Variants in IPCEF1 observed in about 807,000 individuals in gnomAD.
The protein encoded by IPCEF1 is interaction protein for cytohesin exchange factors 1.
IPCEF1 carries 31 observed loss-of-function variants against 50.9 expected under a neutral mutation model. That is an observed-to-expected ratio of 0.61 (90% CI 0.46 to 0.82). IPCEF1 has a LOEUF of 0.82. Ranked by LOEUF, IPCEF1 falls within the 40% of genes least tolerant of loss-of-function variation. IPCEF1 has a pLI of 0.00. For synonymous variants in IPCEF1, 181 were observed against 192.0 expected (o/e 0.94, Z 0.47); for missense variants, 458 against 514.0 (o/e 0.89, Z 1.05).
chr6:154,299,867 A>G (rs1782749187), intron 1 of IPCEF1, among the ~76,000 whole-genome samples: 1 of 141,212 alleles, frequency 7.1e-6, no homozygotes, highest in Non-Finnish European at 1.6e-5. Flanking sequence ...AGAAAAGAAA[A>G]AAGAAAGTAG....
At chr6:154,232,699 C>G (rs529486612) in intron 5 of IPCEF1, among the ~76,000 whole-genome samples, 13 of 152,178 alleles carry the variant, frequency 8.5e-5, no homozygotes, top group Non-Finnish European at 1.8e-4. Flanking sequence ...ATTAATGTCT[C>G]GATGTAAGCC....
At chr6:154,192,582 G>A (rs907614970) in intron 10 of IPCEF1, among the ~76,000 whole-genome samples, 1 of 152,038 alleles carries the variant, frequency 6.6e-6, no homozygotes, top group African/African-American at 2.4e-5. Flanking sequence ...GCAACCCAGA[G>A]AGTGGGAGAA....
intron 7 of IPCEF1, among the ~76,000 whole-genome samples, chr6:154,215,021 A>G (rs991651820): frequency 1.9e-4 from 29 of 152,202 alleles, no homozygotes; most frequent in African/African-American, 7.0e-4. Context: ...TCTATGACAT[A>G]TACTCCTAAC....
chr6:154,323,030 T>G (rs1349426167), intron 1 of IPCEF1, among the ~76,000 whole-genome samples: 2 of 152,202 alleles, frequency 1.3e-5, no homozygotes, highest in African/African-American at 4.8e-5. Flanking sequence ...TTCATTAATC[T>G]TTTTCGATGT....
At chr6:154,232,671 A>C (rs1779812629) in intron 5 of IPCEF1, among the ~76,000 whole-genome samples, 1 of 152,216 alleles carries the variant, frequency 6.6e-6, no homozygotes, top group South Asian at 2.1e-4. Context: ...CACAGAAAAA[A>C]ACAACCCTGG....
chr6:154,230,147 A>G (rs1267166693), intron 5 of IPCEF1, among the ~76,000 whole-genome samples: 4 of 152,220 alleles, frequency 2.6e-5, no homozygotes, highest in Non-Finnish European at 4.4e-5. Flanking sequence ...TGGTTGCATC[A>G]CTTGGTAAAT....
chr6:154,312,587 C>A (rs1359933191), intron 1 of IPCEF1, among the ~76,000 whole-genome samples: 2 of 151,974 alleles, frequency 1.3e-5, no homozygotes, highest in East Asian at 1.9e-4. Context: ...ACCTCATGAT[C>A]CGCCCGCCTC....
At chr6:154,295,566 A>G (rs12665234) in intron 1 of IPCEF1, among the ~76,000 whole-genome samples, 9,614 of 152,168 alleles carry the variant, frequency 0.063, 817 homozygotes, top group East Asian at 0.39. Context: ...CAGAGAGCAC[A>G]GGGGGTCTAG....
In IPCEF1 at chr6:154,248,050, G is replaced by A. The variant is rs143028591; in HGVS notation, c.37-562C>T. Among the ~76,000 whole-genome samples the A allele has an allele frequency of 3.5e-3, 528 of 152,192 alleles. 7 individuals carry two copies. The highest frequency in any genetic ancestry group is 0.012 in the African/African-American group (506 of 41,510). On this transcript the variant is annotated intron_variant, in intron 3 of 11. Coordinates refer to ENST00000367220, the MANE Select transcript of IPCEF1 (RefSeq NM_001130700.2). ...AACCTCTTTCAGTGAGAGTTCAGTAGCAATCAACCCTCCTTATCAGGAAAT... is the reference window on the plus strand; with the variant it reads ...AACCTCTTTCAGTGAGAGTTCAGTAACAATCAACCCTCCTTATCAGGAAAT...
intron 9 of IPCEF1, among the ~76,000 whole-genome samples, chr6:154,207,808 T>TATGAGG (rs1189924606): frequency 6.6e-6 from 1 of 152,228 alleles, no homozygotes; most frequent in Non-Finnish European, 1.5e-5. Flanking sequence ...AACATCAAAA[T>TATGAGG]ATGAGGATTG....
intron 11 of IPCEF1, among the ~76,000 whole-genome samples, chr6:154,162,963 C>G (rs1259725886): frequency 6.6e-6 from 1 of 152,214 alleles, no homozygotes; most frequent in Non-Finnish European, 1.5e-5. Context: ...TAGTCTTCCA[C>G]AAAGCACTTA....
intron 7 of IPCEF1, among the ~76,000 whole-genome samples, chr6:154,215,456 A>C (rs1778317893): frequency 6.6e-6 from 1 of 152,000 alleles, no homozygotes. Context: ...AAAATACAAA[A>C]TTAGCCGGGT....
At chr6:154,247,272 C>CAACA (rs1450336953) in intron 4 of IPCEF1, 177 bp downstream of exon 4, 2 of 571,376 alleles carry the variant, frequency 3.5e-6, no homozygotes, top group African/African-American at 3.8e-5. Flanking sequence ...TCCAAATGAA[C>CAACA]AACATGTCGT....
intron 3 of IPCEF1, among the ~76,000 whole-genome samples, chr6:154,249,005 T>C (rs1357462446): frequency 1.3e-5 from 2 of 152,168 alleles, no homozygotes; most frequent in African/African-American, 4.8e-5. Flanking sequence ...CTGGGAAATA[T>C]AGATCCCAAG....
intron 10 of IPCEF1, among the ~76,000 whole-genome samples, chr6:154,191,672 TCAA>T (rs140096033): frequency 0.39 from 58,003 of 149,434 alleles, 11,621 homozygotes; most frequent in Middle Eastern, 0.48. Flanking sequence ...AGACTTTGCC[TCAA>T]CAACAACAAC....
chr6:154,188,200 G>A (rs1367282052), intron 10 of IPCEF1, among the ~76,000 whole-genome samples: 2 of 152,162 alleles, frequency 1.3e-5, no homozygotes, highest in African/African-American at 4.8e-5. Flanking sequence ...TTGCATTCAT[G>A]TAAACCAGCA....
intron 1 of IPCEF1, among the ~76,000 whole-genome samples, chr6:154,337,419 G>T (rs1407487765): frequency 6.6e-6 from 1 of 152,138 alleles, no homozygotes; most frequent in Non-Finnish European, 1.5e-5. Context: ...TAATAAAAAG[G>T]TTGCTAAACC....
At chr6:154,340,684 G>A (rs572880764) in intron 1 of IPCEF1, among the ~76,000 whole-genome samples, 5 of 152,034 alleles carry the variant, frequency 3.3e-5, no homozygotes, top group Admixed American at 1.3e-4. Context: ...TTGGGAGTTC[G>A]AGATCAGCCT....
At position 154,353,071 on chromosome 6, in the gene IPCEF1, C is replaced by T. The variant is rs779443438; in HGVS notation, c.-62+3601G>A. ...GCCAGCCCCAGTGGGACCACGTTTC[C>T]TTTTTCTCACTTCAGAGTTGACACA... On this transcript the variant is annotated intron_variant, in intron 1 of 11. Transcript: ENST00000367220. Among the ~76,000 whole-genome samples, 7 of 152,126 alleles carry T rather than the reference C, an allele frequency of 4.6e-5. No individual in the cohort carries two copies. The East Asian group carries it at 5.8e-4, about 13-fold the overall frequency.
Sources: gnomAD v4.1 joint callset for allele counts (sites outside exome capture counted in the v4.1 genomes callset) on GRCh38, gnomAD v4.1.1 for gene constraint, MANE v1.5 for transcripts, NCBI Gene and HGNC (gene_info 2026-07-23, HGNC 2026-07-21) for gene names.